Variants in SAT1 observed in about 807,000 individuals in gnomAD.
SAT1 encodes diamine acetyltransferase 1.
In SAT1, 1 loss-of-function variant was observed where a neutral mutation model predicts 14.7. The ratio of observed to expected loss-of-function variants is 0.07; its 90% CI spans 0.02 to 0.32. The LOEUF (loss-of-function observed/expected upper bound fraction) is 0.32, where lower values mean the gene tolerates loss of function less well. Ranked by LOEUF, SAT1 falls within the 10% of genes least tolerant of loss-of-function variation. The probability of loss-of-function intolerance (pLI) is 1.00; values close to 1 mark genes in which losing one functional copy is unlikely to be tolerated. For synonymous variants in SAT1, 67 were observed against 46.1 expected (o/e 1.45, Z -1.84); for missense variants, 77 against 129.1 (o/e 0.60, Z 1.96).
intron 3 of SAT1, 142 bp downstream of exon 3, chrX:23,784,025 T>A (rs1341658772): frequency 1.8e-6 from 2 of 1,135,661 alleles, no homozygotes; most frequent in South Asian, 2.1e-5. Flanking sequence ...TTCAAACTAC[T>A]GAGGAAAAAA....
chrX:23,783,310 C>T lies in SAT1; in HGVS notation c.-42C>T, dbSNP rs1249563733. ...ACCACCTCCTCCTACTGTTCAAGTA[C>T]AGGGGCCTGGTCCGCAAAGGGAAGA... On this transcript the variant is annotated 5_prime_UTR_variant, in exon 1 of 6. Coordinates refer to ENST00000379270, the MANE Select transcript of SAT1 (RefSeq NM_002970.4). The T allele has an allele frequency of 1.7e-6, 2 of 1,167,925 alleles. No homozygotes were observed. The highest frequency in any genetic ancestry group is 2.3e-6 in the Non-Finnish European group (2 of 856,216).
chrX:23,785,513 T>C lies in SAT1; in HGVS notation c.305-7T>C, dbSNP rs780689420. 2.5e-6 allele frequency: 3 copies of C among 1,205,439 alleles called. No homozygotes were observed. The highest frequency in any genetic ancestry group is 2.2e-6 in the Non-Finnish European group (2 of 889,568). On this transcript the variant is annotated splice_region_variant and splice_polypyrimidine_tract_variant and intron_variant, in intron 4 of 5. Transcript: ENST00000379270. The stretch of plus-strand genomic sequence containing the variant: ...ATGACTTTTTAAATTGTACTCTTTC[T>C]TTTTAGGCTTTGGCATAGGATCAGA...
At position 23,783,198 on chromosome X, in the gene SAT1, T is replaced by G. The variant is rs1206761977; in HGVS notation, c.-154T>G. 4.0e-6 allele frequency: 2 copies of G among 500,580 alleles called. No homozygotes were observed. The highest frequency in any genetic ancestry group is 7.1e-6 in the Non-Finnish European group (2 of 280,878). 41.3% of individuals were successfully genotyped at this position (500,580 alleles called of 1,213,427 possible). On this transcript the variant is annotated 5_prime_UTR_variant, in exon 1 of 6. Transcript: ENST00000379270. ...GCGCAGCTCTTAGTCGCGGGCCGAC[T>G]GGTGTTTATCCGTCACTCGCCGAGG...
At chrX:23,784,960 A>G (rs41305193) in intron 3 of SAT1, 4,193 of 189,617 alleles carry the variant, frequency 0.022, 59 homozygotes, top group Non-Finnish European at 0.033. Context: ...CAGTATACCA[A>G]TAGGATGTGA....
chrX:23,783,764 C>G (rs1298577193), intron 2 of SAT1, 36 bp from the exon 3 acceptor site: 10 of 1,208,979 alleles, frequency 8.3e-6, no homozygotes, highest in Non-Finnish European at 1.1e-5. Flanking sequence ...TCACCTTCGC[C>G]AAGGCCATTA....
chrX:23,783,251 T>C lies in SAT1; in HGVS notation c.-101T>C, dbSNP rs754863854. ...CCTTGGGTCATGGTGCCAGCCTGACTGAGAAGAGGACGCTCCCGGGAGACG... is the reference window on the plus strand; with the variant it reads ...CCTTGGGTCATGGTGCCAGCCTGACCGAGAAGAGGACGCTCCCGGGAGACG... On this transcript the variant is annotated 5_prime_UTR_variant, in exon 1 of 6. Transcript: ENST00000379270. The C allele has an allele frequency of 1.7e-4, 139 of 803,043 alleles. 1 individual carries two copies. The highest frequency in any genetic ancestry group is 2.4e-4 in the Non-Finnish European group (126 of 535,227). 66.2% of individuals were successfully genotyped at this position (803,043 alleles called of 1,213,427 possible). A position where few individuals can be genotyped will look rare whatever the true frequency, so the allele number is the denominator to read the frequency against.
chrX:23,783,498 G>A (rs1922580612), intron 1 of SAT1, 81 bp downstream of exon 1: 1 of 991,617 alleles, frequency 1.0e-6, no homozygotes, highest in Non-Finnish European at 1.4e-6. Flanking sequence ...CACGTCTTGA[G>A]GTCTCGGCCG....
chrX:23,783,987 C>G lies in SAT1; in HGVS notation c.202+104C>G, dbSNP rs1255817637. On this transcript the variant is annotated intron_variant, in intron 3 of 5. Coordinates refer to ENST00000379270, the MANE Select transcript of SAT1 (RefSeq NM_002970.4). Reference sequence around the variant, plus strand: ...CTACACAGGCCGAAGTTACTGAGAACTTGGACAGAAAAAATAGCCAGCAAG... The same window carrying G: ...CTACACAGGCCGAAGTTACTGAGAAGTTGGACAGAAAAAATAGCCAGCAAG... 6.8e-6 allele frequency: 8 copies of G among 1,183,433 alleles called. No individual in the cohort carries two copies. In the African/African-American group the frequency reaches 1.3e-4, roughly 19 times the overall value.
intron 2 of SAT1, 22 bp downstream of exon 2, chrX:23,783,731 G>C: frequency 8.3e-7 from 1 of 1,208,830 alleles, no homozygotes; most frequent in Non-Finnish European, 1.1e-6. Flanking sequence ...GTGGCGGGAC[G>C]GGGGACAAGC....
At position 23,783,682 on chromosome X, in the gene SAT1, G is replaced by A; in HGVS notation, c.91G>A (p.Glu31Lys). 8.3e-7 allele frequency: 1 copy of A among 1,204,749 alleles called. No homozygotes were observed. The highest frequency in any genetic ancestry group is 1.1e-6 in the Non-Finnish European group (1 of 891,463). Residue 31 changes from glutamate to lysine, a missense_variant, in exon 2 of 6, where the codon GAA (glutamate) becomes AAA (lysine). Glu to Lys is a moderately conservative substitution (Grantham distance 56). Transcript: ENST00000379270. ...GGAGCTGGCTAAATATGAATACATG[G>A]AAGAACAAGTAATCTTAACTGAAAA... Reference protein sequence around the residue: ...IKELAKYEYMEEQVILTEKDL... With the variant: ...IKELAKYEYMKEQVILTEKDL...
chrX:23,785,442 T>C lies in SAT1; in HGVS notation c.304+13T>C. 8.6e-7 allele frequency: 1 copy of C among 1,169,548 alleles called. No homozygotes were observed. The highest frequency in any genetic ancestry group is 1.8e-5 in the African/African-American group (1 of 57,086). On this transcript the variant is annotated intron_variant, in intron 4 of 5. Transcript: ENST00000379270. ...AGTGATTATAGAGGTACGATTGAGTTCGGAGCAGAGGGTCTGAAGAGAGTT... is the reference window on the plus strand; with the variant it reads ...AGTGATTATAGAGGTACGATTGAGTCCGGAGCAGAGGGTCTGAAGAGAGTT...
intron 3 of SAT1, chrX:23,784,173 T>C: frequency 1.1e-6 from 1 of 927,222 alleles, no homozygotes; most frequent in Non-Finnish European, 1.4e-6. Flanking sequence ...CCGGAAGAGT[T>C]AGATATAATG....
chrX:23,784,464 C>A, intron 3 of SAT1: 1 of 249,696 alleles, frequency 4.0e-6, no homozygotes, highest in Non-Finnish European at 5.6e-6. Context: ...ATGATACTCG[C>A]TTCCTGTCTG....
Position 23,783,409 on chromosome X carries a change from C to T in SAT1, c.58C>T (p.Leu20=), listed in dbSNP as rs925551962. 5.8e-6 allele frequency: 7 copies of T among 1,206,773 alleles called. No homozygotes were observed. The Middle Eastern group carries it at 9.4e-4, about 162-fold the overall frequency. Residue 20 remains leucine (L), a synonymous_variant, in exon 1 of 6, where the codon CTG becomes TTG. Transcript: ENST00000379270. Reference sequence around the variant, plus strand: ...CGCCGACTGCAGTGACATACTGCGGCTGATCAAGGTAGCGGAGAGCCAGAG... The same window carrying T: ...CGCCGACTGCAGTGACATACTGCGGTTGATCAAGGTAGCGGAGAGCCAGAG... ...TAADCSDILR[L]IKELAKYEYM...
intron 1 of SAT1, 80 bp from the exon 2 acceptor site, chrX:23,783,578 C>CCCATAA: frequency 5.3e-6 from 4 of 761,142 alleles, no homozygotes; most frequent in South Asian, 2.6e-5. Flanking sequence ...CCCGCCCGCC[C>CCCATAA]CATTCCGTTC....
chrX:23,785,483 T>C, intron 4 of SAT1, 37 bp from the exon 5 acceptor site: 3 of 1,186,369 alleles, frequency 2.5e-6, no homozygotes, highest in Non-Finnish European at 3.4e-6. Context: ...TTATAAATGC[T>C]TACAATGACT....
In SAT1 at chrX:23,783,888, C is replaced by A; in HGVS notation, c.202+5C>A. 8.3e-7 allele frequency: 1 copy of A among 1,211,684 alleles called. No homozygotes were observed. Among genetic ancestry groups the A allele is most frequent in the Non-Finnish European group, 1.1e-6 (1 of 895,555 alleles). Reference sequence around the variant, plus strand: ...AAGAGCACTGGACTCCGGAAGGTAACCCCTCGCCCTTTCCAGAAGCCAGAG... The same window carrying A: ...AAGAGCACTGGACTCCGGAAGGTAAACCCTCGCCCTTTCCAGAAGCCAGAG... On this transcript the variant is annotated splice_donor_5th_base_variant and intron_variant, in intron 3 of 5. Coordinates refer to ENST00000379270, the MANE Select transcript of SAT1 (RefSeq NM_002970.4).
At chrX:23,784,251 G>T in intron 3 of SAT1, 1 of 868,949 alleles carries the variant, frequency 1.2e-6, no homozygotes, top group Non-Finnish European at 1.5e-6. Context: ...TTTTGTAATT[G>T]TGTTAAATCA....
At chrX:23,783,951 A>G in intron 3 of SAT1, 68 bp downstream of exon 3, 3 of 1,209,473 alleles carry the variant, frequency 2.5e-6, no homozygotes, top group Non-Finnish European at 3.4e-6. Flanking sequence ...TCGGCTGTGT[A>G]GAACCACTGA....
Sources: allele counts gnomAD v4.1 joint callset, GRCh38; gene constraint gnomAD v4.1.1; transcripts MANE v1.5; gene names NCBI Gene and HGNC (gene_info 2026-07-23, HGNC 2026-07-21).